The following PCNX1 variants were observed in gnomAD, a reference collection of about 807,000 sequenced individuals.
PCNX1 encodes the protein pecanex-like protein 1.
Under a neutral mutation model 242.2 loss-of-function variants are expected in PCNX1, and 78 were observed. That is an observed-to-expected ratio of 0.32 (90% CI 0.27 to 0.39). The LOEUF (loss-of-function observed/expected upper bound fraction) is 0.39, where lower values mean the gene tolerates loss of function less well. PCNX1 is among the 10% of genes least tolerant of loss of function. The probability of loss-of-function intolerance (pLI) is 1.00; values close to 1 mark genes in which losing one functional copy is unlikely to be tolerated. For missense variants in PCNX1, 2,581 were observed against 2,856.5 expected (o/e 0.90, Z 2.20); for synonymous variants, 1,024 against 1,032.9 (o/e 0.99, Z 0.17).
intron 1 of PCNX1, among the ~76,000 whole-genome samples, chr14:70,926,616 G>GC (rs2056601840): frequency 6.6e-6 from 1 of 151,990 alleles, no homozygotes; most frequent in Non-Finnish European, 1.5e-5. Context: ...ACATGACAGC[G>GC]CCCCACACCA....
intron 7 of PCNX1, among the ~76,000 whole-genome samples, chr14:70,991,196 G>A (rs2059153486): frequency 1.4e-5 from 2 of 143,584 alleles, no homozygotes; most frequent in Non-Finnish European, 3.0e-5. Flanking sequence ...AGGATGTTGT[G>A]TACTACCTTT....
intron 2 of PCNX1, among the ~76,000 whole-genome samples, chr14:70,948,809 A>G (rs1477118123): frequency 2.7e-5 from 4 of 148,018 alleles, no homozygotes; most frequent in African/African-American, 4.9e-5. Flanking sequence ...CTTATAAATC[A>G]GCATTTATTT....
chr14:70,976,885 AG>A, intron 5 of PCNX1, 56 bp from the exon 6 acceptor site: 1 of 1,428,244 alleles, frequency 7.0e-7, no homozygotes, highest in Non-Finnish European at 9.7e-7. Flanking sequence ...ATTGTTAAAC[AG>A]TAGAAAAGCA....
Position 70,981,077 on chromosome 14 carries a change from G to T in PCNX1, c.2311+2429G>T, listed in dbSNP as rs147328674. 3.6e-4 allele frequency among the ~76,000 whole-genome samples: 55 copies of T among 152,176 alleles called. No homozygotes were observed. The East Asian group carries it at 9.9e-3, about 27-fold the overall frequency. On this transcript the variant is annotated intron_variant, in intron 6 of 35. Coordinates refer to ENST00000304743, the MANE Select transcript of PCNX1 (RefSeq NM_014982.3). The stretch of plus-strand genomic sequence containing the variant: ...GTCAGATACCTTTGTTAGTATGTGG[G>T]CTCCACTGTTGTGACTCTAGGAAAG...
intron 1 of PCNX1, among the ~76,000 whole-genome samples, chr14:70,908,471 C>T (rs919863059): frequency 2.0e-5 from 3 of 152,138 alleles, no homozygotes; most frequent in African/African-American, 4.8e-5. Flanking sequence ...CCGGGAGAGG[C>T]CGCCCGCCGC....
At chr14:70,943,381 A>G (rs2057334832) in intron 1 of PCNX1, among the ~76,000 whole-genome samples, 1 of 152,218 alleles carries the variant, frequency 6.6e-6, no homozygotes, top group South Asian at 2.1e-4. Flanking sequence ...TTAGATGGAC[A>G]TGAGGAACTT....
intron 9 of PCNX1, among the ~76,000 whole-genome samples, chr14:71,010,386 C>A (rs2059790775): frequency 1.3e-5 from 2 of 151,750 alleles, no homozygotes; most frequent in Non-Finnish European, 2.9e-5. Flanking sequence ...ATTTTATTTC[C>A]TTCTAAGTGT....
At chr14:71,098,553 T>TGTGTGTGTGTGTGTGAGAGAGAGAGA (rs60367565) in intron 30 of PCNX1, among the ~76,000 whole-genome samples, 1 of 125,736 alleles carries the variant, frequency 8.0e-6, no homozygotes, top group African/African-American at 3.2e-5. Flanking sequence ...TGTGTGTGTG[T>TGTGTGTGTGTGTGTGAGAGAGAGAGA]GAGAGAGAGA....
At chr14:71,074,593 G>C (rs1347622729) in intron 27 of PCNX1, among the ~76,000 whole-genome samples, 2 of 152,172 alleles carry the variant, frequency 1.3e-5, no homozygotes, top group African/African-American at 2.4e-5. Context: ...CTCACGGGCT[G>C]TTGTCCACCA....
At position 71,111,793 on chromosome 14, in the gene PCNX1, CTT is replaced by C. The variant is rs2141931181; in HGVS notation, c.*1860_*1861del. On this transcript the variant is annotated 3_prime_UTR_variant, in exon 36 of 36. Transcript: ENST00000304743. ...TGTTGACATTTCCATAGACTTCACA[CTT>C]TACAAAATTTACTGTTTAAAAATAC... 6.6e-6 allele frequency: 1 copy of C among 152,240 alleles called. No homozygotes were observed. The highest frequency in any genetic ancestry group is 2.1e-4 in the South Asian group (1 of 4,830). The allele number at this position is 152,240 out of a possible 1,614,324, so 9.4% of individuals were successfully genotyped here. A position where few individuals can be genotyped will look rare whatever the true frequency, so the allele number is the denominator to read the frequency against.
intron 1 of PCNX1, among the ~76,000 whole-genome samples, chr14:70,933,466 G>A (rs532697991): frequency 1.3e-5 from 2 of 152,292 alleles, no homozygotes; most frequent in East Asian, 3.9e-4. Context: ...TTTGTGATGT[G>A]TGAGAATTAT....
At chr14:70,967,302 TA>T (rs1250879512) in intron 3 of PCNX1, among the ~76,000 whole-genome samples, 1 of 152,248 alleles carries the variant, frequency 6.6e-6, no homozygotes, top group African/African-American at 2.4e-5. Flanking sequence ...GAAGATGTGG[TA>T]AAGTATAAAG....
rs761846350 is a variant in PCNX1 at position 70,977,003 on chromosome 14, G to A, written c.666G>A (p.Gln222=). ...CCAATGACTCCTTCATCTCTATTCA[G>A]CCTTCCTTATCCTCTTGTGGACAGG... ...LVSNDSFISI[Q]PSLSSCGQDL... is the part of the protein sequence containing the mutation. The change falls in exon 6 of 36, where the codon CAG becomes CAA. Residue 222 remains glutamine, a synonymous_variant. Transcript: ENST00000304743. 23 of 1,613,960 alleles carry A rather than the reference G, an allele frequency of 1.4e-5. No individual in the cohort carries two copies. The East Asian group carries it at 4.9e-4, about 34-fold the overall frequency.
chr14:71,009,673 A>G lies in PCNX1; in HGVS notation c.2669A>G (p.Asp890Gly), dbSNP rs1449422254. 4 of 1,604,848 alleles carry G rather than the reference A, an allele frequency of 2.5e-6. No homozygotes were observed. The highest frequency in any genetic ancestry group is 3.4e-6 in the Non-Finnish European group (4 of 1,173,282). The change falls in exon 9 of 36, where the codon GAT becomes GGT. Residue 890 changes from aspartate (D) to glycine (G), a missense_variant. By Grantham distance (94) the Asp-to-Gly change is moderately conservative. This residue lies in a region of PCNX1 where 1,204 missense variants were observed against 1,216.7 expected (regional missense o/e 0.99). Coordinates refer to ENST00000304743, the MANE Select transcript of PCNX1 (RefSeq NM_014982.3). ...ACGCTGTATGAGACTGGTGGCTGTG[A>G]TATGTCACTTGTGAATTTTGAACCA... ...SSTLYETGGC[D>G]MSLVNFEPAA... is the part of the protein sequence containing the mutation.
intron 8 of PCNX1, among the ~76,000 whole-genome samples, chr14:70,999,068 A>C (rs1471870828): frequency 1.3e-5 from 2 of 152,224 alleles, no homozygotes; most frequent in Non-Finnish European, 2.9e-5. Context: ...TAAATAAAAC[A>C]AGCTGTGACT....
chr14:71,073,042 G>T (rs2061624019), intron 26 of PCNX1, among the ~76,000 whole-genome samples: 1 of 152,226 alleles, frequency 6.6e-6, no homozygotes, highest in Non-Finnish European at 1.5e-5. Flanking sequence ...GGTGGCTCAT[G>T]CCTGTAATCT....
rs771644700 is a variant in PCNX1 at position 70,978,296 on chromosome 14, C to T, written c.1959C>T (p.Gly653=). Residue 653 remains glycine, a synonymous_variant, in exon 6 of 36, where the codon GGC becomes GGT. Transcript: ENST00000304743. ...LKTKHTHKER[G]TDSEHTHKAH... Reference sequence around the variant, plus strand: ...CCAAACACACTCATAAAGAAAGGGGCACAGACTCTGAACACACACACAAAG... The same window carrying T: ...CCAAACACACTCATAAAGAAAGGGGTACAGACTCTGAACACACACACAAAG... 3.1e-6 allele frequency: 5 copies of T among 1,613,982 alleles called. No homozygotes were observed. The African/African-American group carries it at 6.7e-5, about 22-fold the overall frequency.
intron 32 of PCNX1, among the ~76,000 whole-genome samples, chr14:71,104,179 G>A (rs2062543657): frequency 6.6e-6 from 1 of 152,140 alleles, no homozygotes; most frequent in Admixed American, 6.5e-5. Flanking sequence ...ATATTCACAT[G>A]ATTTTTTTTC....
chr14:70,940,693 G>T (rs2140247550), intron 1 of PCNX1, among the ~76,000 whole-genome samples: 1 of 152,292 alleles, frequency 6.6e-6, no homozygotes, highest in East Asian at 1.9e-4. Context: ...GGTTGGGGAA[G>T]TTCTCCTGGA....
Sources: allele counts gnomAD v4.1 joint callset (sites outside exome capture counted in the v4.1 genomes callset), GRCh38; gene constraint gnomAD v4.1.1; regional missense constraint gnomAD v4.1.1; transcripts MANE v1.5; gene names NCBI Gene and HGNC (gene_info 2026-07-23, HGNC 2026-07-21).